The following CHD9 variants were observed in gnomAD, a reference collection of about 807,000 sequenced individuals.
CHD9 encodes the protein ATP-dependent chromatin remodeler CHD9.
Under a neutral mutation model 316.1 loss-of-function variants are expected in CHD9, and 77 were observed. The observed-to-expected ratio is 0.24, with a 90% confidence interval of 0.20 to 0.29. CHD9 has a LOEUF of 0.29. Among genes scored for constraint, CHD9 ranks in the 10% least tolerant of loss-of-function variants. The probability of loss-of-function intolerance (pLI) is 1.00; values close to 1 mark genes in which losing one functional copy is unlikely to be tolerated. For synonymous variants in CHD9, 1,129 were observed against 1,158.3 expected, an observed-to-expected ratio of 0.97 and a Z score of 0.51; for missense variants, 2,763 against 3,438.1, an observed-to-expected ratio of 0.80 and a Z score of 4.91.
At chr16:53,319,022 G>T (rs1053955068) in intron 37 of CHD9, among the ~76,000 whole-genome samples, 4 of 152,194 alleles carry the variant, frequency 2.6e-5, no homozygotes, top group African/African-American at 9.7e-5. Flanking sequence ...TTTACTGAAT[G>T]ATGAATGATA....
chr16:53,285,664 C>A lies in CHD9; in HGVS notation c.5036C>A (p.Ala1679Asp). Residue 1679 changes from alanine (A) to aspartate (D), a missense_variant, in exon 25 of 39, where the codon GCT becomes GAT. This residue lies in a region of CHD9 where 5 missense variants were observed against 26.6 expected (regional missense o/e 0.19). Coordinates refer to ENST00000447540, the MANE Select transcript of CHD9 (RefSeq NM_001308319.2). Reference protein sequence around the residue: ...EVPAEWWDFDADKSLLIGVFK... With the variant: ...EVPAEWWDFDDDKSLLIGVFK... Reference sequence around the variant, plus strand: ...CCTGCTGAGTGGTGGGATTTTGATGCTGATAAGTCACTCCTTATTGGAGTT... The same window carrying A: ...CCTGCTGAGTGGTGGGATTTTGATGATGATAAGTCACTCCTTATTGGAGTT... The A allele has an allele frequency of 6.2e-7, 1 of 1,607,298 alleles. No homozygotes were observed. The highest frequency in any genetic ancestry group is 8.5e-7 in the Non-Finnish European group (1 of 1,176,188).
chr16:53,107,333 G>A (rs773803825), intron 1 of CHD9, among the ~76,000 whole-genome samples: 12 of 151,890 alleles, frequency 7.9e-5, no homozygotes, highest in South Asian at 2.1e-4. Flanking sequence ...GGTGGTGTGC[G>A]CCTGTAGTCC....
chr16:53,249,820 T>G, intron 16 of CHD9, 51 bp from the exon 17 acceptor site: 3 of 1,374,798 alleles, frequency 2.2e-6, no homozygotes, highest in Non-Finnish European at 3.1e-6. Flanking sequence ...AGAATATGTC[T>G]TCAGTTTTAT....
rs556782650 is a variant in CHD9 at position 53,120,811 on chromosome 16, C to T, written c.-164-35115C>T. Among the ~76,000 whole-genome samples the T allele has an allele frequency of 4.5e-4, 68 of 151,806 alleles. No individual in the cohort carries two copies. In the South Asian group the frequency reaches 0.011, roughly 26 times the overall value. ...CTTGAGGCCAGGAGTTTGAGAGCAG[C>T]CTGGCCAACATGGTAAAATTCTGTC... On this transcript the variant is annotated intron_variant, in intron 1 of 38. Transcript: ENST00000447540.
intron 1 of CHD9, among the ~76,000 whole-genome samples, chr16:53,090,344 T>G (rs930844125): frequency 1.3e-5 from 2 of 152,154 alleles, no homozygotes; most frequent in African/African-American, 4.8e-5. Flanking sequence ...TCTTCCCAAG[T>G]CACCCATTCA....
chr16:53,301,767 C>CTTTTTTTTTTTTT (rs199846098), intron 30 of CHD9, among the ~76,000 whole-genome samples: 1 of 126,234 alleles, frequency 7.9e-6, no homozygotes, highest in Non-Finnish European at 1.7e-5. Context: ...TCTTTTTTTT[C>CTTTTTTTTTTTTT]TTTTTTTTTT....
At position 53,108,772 on chromosome 16, in the gene CHD9, A is replaced by G. The variant is rs573038994; in HGVS notation, c.-164-47154A>G. On this transcript the variant is annotated intron_variant, in intron 1 of 38. Coordinates refer to ENST00000447540, the MANE Select transcript of CHD9 (RefSeq NM_001308319.2). ...TGCCTGTAATCCCAGCTACTTGGGA[A>G]GCTGAGGCAGGAGAATCACTTGAAC... Among the ~76,000 whole-genome samples, 18 of 151,032 alleles carry G rather than the reference A, an allele frequency of 1.2e-4. No individual in the cohort carries two copies. The East Asian group carries it at 3.0e-3, about 25-fold the overall frequency.
At chr16:53,204,874 C>T (rs551446885) in intron 2 of CHD9, among the ~76,000 whole-genome samples, 8 of 151,978 alleles carry the variant, frequency 5.3e-5, no homozygotes, top group South Asian at 2.1e-4. Flanking sequence ...GACAGAGTTT[C>T]GCTCTGTTGC....
intron 32 of CHD9, among the ~76,000 whole-genome samples, chr16:53,306,875 G>T (rs961548431): frequency 6.6e-6 from 1 of 152,070 alleles, no homozygotes; most frequent in African/African-American, 2.4e-5. Flanking sequence ...CGCCTCCCAG[G>T]TTCATGCAGT....
At chr16:53,118,445 T>G (rs1279151893) in intron 1 of CHD9, among the ~76,000 whole-genome samples, 2 of 152,174 alleles carry the variant, frequency 1.3e-5, no homozygotes. Flanking sequence ...TGTTTCCACT[T>G]AAGACTTTTG....
intron 1 of CHD9, among the ~76,000 whole-genome samples, chr16:53,136,956 T>C (rs1567359957): frequency 6.6e-6 from 1 of 152,130 alleles, no homozygotes; most frequent in East Asian, 1.9e-4. Flanking sequence ...GTAACATTAT[T>C]TTTGTGAGAC....
At chr16:53,290,778 G>A (rs895695323) in intron 27 of CHD9, among the ~76,000 whole-genome samples, 4 of 150,866 alleles carry the variant, frequency 2.7e-5, no homozygotes, top group Admixed American at 6.6e-5. Flanking sequence ...ACCCTGTCTC[G>A]AAAAACAAAA....
chr16:53,125,364 T>C (rs1040810610), intron 1 of CHD9, among the ~76,000 whole-genome samples: 7 of 151,852 alleles, frequency 4.6e-5, no homozygotes, highest in African/African-American at 1.7e-4. Flanking sequence ...GCTGGGATTA[T>C]AGGCACGTGC....
intron 1 of CHD9, among the ~76,000 whole-genome samples, chr16:53,113,398 G>A (rs1293124482): frequency 3.2e-5 from 4 of 125,486 alleles, no homozygotes; most frequent in Admixed American, 1.0e-4. Context: ...ATGGAGTCTC[G>A]CTCTCCTGGG....
At chr16:53,094,177 G>T (rs1046330768) in intron 1 of CHD9, among the ~76,000 whole-genome samples, 1 of 152,222 alleles carries the variant, frequency 6.6e-6, no homozygotes, top group African/African-American at 2.4e-5. Context: ...AGGCCTATGG[G>T]CTTGGTGACC....
chr16:53,285,499 C>T, intron 24 of CHD9, 97 bp from the exon 25 acceptor site: 2 of 548,230 alleles, frequency 3.6e-6, no homozygotes, highest in Non-Finnish European at 6.3e-6. Context: ...TAAGCTCTCT[C>T]TTGAAAGCCA....
chr16:53,281,754 C>A (rs184824337), intron 24 of CHD9, among the ~76,000 whole-genome samples: 1 of 152,254 alleles, frequency 6.6e-6, no homozygotes, highest in African/African-American at 2.4e-5. Flanking sequence ...TGCTGTTCTT[C>A]CTGGTCCAAA....
At chr16:53,251,681 G>A (rs1228187808) in intron 17 of CHD9, among the ~76,000 whole-genome samples, 1 of 152,196 alleles carries the variant, frequency 6.6e-6, no homozygotes. Context: ...AGATTCTGTA[G>A]AATATTTGGA....
At chr16:53,073,354 T>G (rs942733605) in intron 1 of CHD9, among the ~76,000 whole-genome samples, 4 of 152,256 alleles carry the variant, frequency 2.6e-5, no homozygotes, top group Non-Finnish European at 5.9e-5. Context: ...TGTATATGTT[T>G]ATGTACCACA....
Sources: gnomAD v4.1 joint callset for allele counts (sites outside exome capture counted in the v4.1 genomes callset) on GRCh38, gnomAD v4.1.1 for gene constraint, gnomAD v4.1.1 regional missense constraint, MANE v1.5 for transcripts, NCBI Gene and HGNC (gene_info 2026-07-23, HGNC 2026-07-21) for gene names.